The following EPHA5 variants were observed in gnomAD, a reference collection of about 807,000 sequenced individuals.
EPHA5 encodes EPH receptor A5.
A neutral mutation model predicts 105.0 loss-of-function variants in EPHA5; 60 were observed. That is an observed-to-expected ratio of 0.57 (90% CI 0.46 to 0.71). The LOEUF (loss-of-function observed/expected upper bound fraction) is 0.71, where lower values mean the gene tolerates loss of function less well. Among genes scored for constraint, EPHA5 ranks in the 30% least tolerant of loss-of-function variants. The pLI is 0.00. For synonymous variants in EPHA5, 513 were observed against 449.1 expected (o/e 1.14, Z -1.80); for missense variants, 1,218 against 1,274.7 (o/e 0.96, Z 0.68).
intron 5 of EPHA5, among the ~76,000 whole-genome samples, chr4:65,484,583 A>G (rs948273158): frequency 1.3e-5 from 2 of 152,164 alleles, no homozygotes; most frequent in Non-Finnish European, 2.9e-5. Flanking sequence ...CCTACATTCA[A>G]AACAATTAAA....
chr4:65,492,534 T>C (rs1731508475), intron 4 of EPHA5, among the ~76,000 whole-genome samples: 1 of 100,878 alleles, frequency 9.9e-6, no homozygotes, highest in Admixed American at 1.1e-4. Context: ...ACTTGACATC[T>C]TTGCAAAAAA....
intron 5 of EPHA5, among the ~76,000 whole-genome samples, chr4:65,450,937 CATT>C (rs1727005234): frequency 6.6e-6 from 1 of 152,074 alleles, no homozygotes; most frequent in African/African-American, 2.4e-5. Flanking sequence ...TTAAGTAAAA[CATT>C]ATACAGTCTC....
intron 15 of EPHA5, among the ~76,000 whole-genome samples, chr4:65,333,473 A>G (rs1281198143): frequency 6.6e-6 from 1 of 151,270 alleles, no homozygotes; most frequent in Non-Finnish European, 1.5e-5. Flanking sequence ...CTTACTCTTG[A>G]AATCTTACTC....
At chr4:65,529,612 A>G (rs78454276) in intron 3 of EPHA5, among the ~76,000 whole-genome samples, 1,822 of 152,096 alleles carry the variant, frequency 0.012, 9 homozygotes, top group Non-Finnish European at 0.019. Flanking sequence ...CATTGTGCAT[A>G]TGTTAGATAC....
At chr4:65,423,156 G>C (rs1724095460) in intron 5 of EPHA5, among the ~76,000 whole-genome samples, 1 of 151,874 alleles carries the variant, frequency 6.6e-6, no homozygotes, top group African/African-American at 2.4e-5. Context: ...CTCTCAACTG[G>C]GATTAATTTA....
intron 3 of EPHA5, among the ~76,000 whole-genome samples, chr4:65,506,034 T>G (rs1036564081): frequency 7.2e-5 from 11 of 152,132 alleles, no homozygotes; most frequent in African/African-American, 2.7e-4. Flanking sequence ...CAGTGTGTGA[T>G]GCTCCCCTTC....
intron 2 of EPHA5, among the ~76,000 whole-genome samples, chr4:65,636,843 T>C (rs1747164865): frequency 6.6e-6 from 1 of 152,060 alleles, no homozygotes. Flanking sequence ...ACCATAATGC[T>C]CCCTTAAGTT....
intron 2 of EPHA5, among the ~76,000 whole-genome samples, chr4:65,640,380 G>T (rs1186998744): frequency 2.1e-5 from 3 of 143,018 alleles, no homozygotes; most frequent in Non-Finnish European, 4.5e-5. Flanking sequence ...CCACCTCCCG[G>T]GTTCAAGCCA....
chr4:65,391,388 C>CT (rs932906763), intron 8 of EPHA5, among the ~76,000 whole-genome samples: 1 of 151,926 alleles, frequency 6.6e-6, no homozygotes, highest in African/African-American at 2.4e-5. Context: ...GAAACATTTT[C>CT]TTTTTTTCCT....
rs1002621899 is a variant in EPHA5, at chr4:65,319,839, G to T, written c.*4275C>A. The T allele has an allele frequency of 1.7e-5, 4 of 229,162 alleles. No homozygotes were observed. The highest frequency in any genetic ancestry group is 6.2e-5 in the East Asian group (1 of 16,168). The allele number at this position is 229,162 out of a possible 1,614,324, so 14.2% of individuals were successfully genotyped here. A position where few individuals can be genotyped will look rare whatever the true frequency, so the allele number is the denominator to read the frequency against. On this transcript the variant is annotated 3_prime_UTR_variant, in exon 17 of 17. Coordinates refer to ENST00000613740, the MANE Select transcript of EPHA5 (RefSeq NM_001281766.3). The stretch of plus-strand genomic sequence containing the variant: ...AATGACTGAGTCTAAGTATTCTCAG[G>T]CTCTTATAAATGTAACTACTCACTT...
chr4:65,570,893 A>G (rs1001386197), intron 3 of EPHA5, among the ~76,000 whole-genome samples: 2 of 152,046 alleles, frequency 1.3e-5, no homozygotes, highest in African/African-American at 2.4e-5. Flanking sequence ...GAAGATAGCA[A>G]TGGAGATTAA....
chr4:65,550,831 T>C (rs953557953), intron 3 of EPHA5, among the ~76,000 whole-genome samples: 1 of 151,944 alleles, frequency 6.6e-6, no homozygotes, highest in African/African-American at 2.4e-5. Context: ...GCCAGACTCC[T>C]TCTCAAACAA....
intron 3 of EPHA5, among the ~76,000 whole-genome samples, chr4:65,577,063 T>A (rs1317697275): frequency 6.6e-6 from 1 of 152,244 alleles, no homozygotes; most frequent in African/African-American, 2.4e-5. Flanking sequence ...TGTTTACATG[T>A]GCACTTTACT....
rs571276380 is a variant in EPHA5, at chr4:65,567,898, G to T, written c.910+33743C>A. Reference sequence around the variant, plus strand: ...GTCTGATCCTCCTGTTTAAAATTCTGCCTGCTGATAAACTAATCCTATTCT... The same window carrying T: ...GTCTGATCCTCCTGTTTAAAATTCTTCCTGCTGATAAACTAATCCTATTCT... On this transcript the variant is annotated intron_variant, in intron 3 of 16. Transcript: ENST00000613740. 2.0e-5 allele frequency among the ~76,000 whole-genome samples: 3 copies of T among 151,384 alleles called. No homozygotes were observed. In the South Asian group the frequency reaches 6.2e-4, roughly 31 times the overall value.
chr4:65,332,161 A>G (rs2148799902), intron 15 of EPHA5, 33 bp from the exon 16 acceptor site: 1 of 1,501,908 alleles, frequency 6.7e-7, no homozygotes, highest in Non-Finnish European at 8.9e-7. Context: ...ATTAAAAGTT[A>G]CAATTTAATT....
At chr4:65,494,346 C>T (rs1731710938) in intron 4 of EPHA5, among the ~76,000 whole-genome samples, 2 of 152,124 alleles carry the variant, frequency 1.3e-5, no homozygotes, top group South Asian at 2.1e-4. Context: ...GAGACGGATA[C>T]TAATATTTCA....
At chr4:65,432,512 T>C (rs2149066342) in intron 5 of EPHA5, among the ~76,000 whole-genome samples, 1 of 152,296 alleles carries the variant, frequency 6.6e-6, no homozygotes, top group South Asian at 2.1e-4. Context: ...TTTAGACTTC[T>C]GTGTTGAGTT....
intron 3 of EPHA5, among the ~76,000 whole-genome samples, chr4:65,543,363 C>G (rs1170485312): frequency 6.6e-6 from 1 of 152,072 alleles, no homozygotes; most frequent in Non-Finnish European, 1.5e-5. Context: ...TGATAAGTAA[C>G]TTCAGCAAAC....
chr4:65,486,142 A>T (rs1162929852), intron 5 of EPHA5, among the ~76,000 whole-genome samples: 1 of 152,068 alleles, frequency 6.6e-6, no homozygotes, highest in Non-Finnish European at 1.5e-5. Context: ...ATAATAAGAA[A>T]ACCTTTGTTC....
Sources: allele counts gnomAD v4.1 joint callset (sites outside exome capture counted in the v4.1 genomes callset), GRCh38; gene constraint gnomAD v4.1.1; transcripts MANE v1.5; gene names NCBI Gene and HGNC (gene_info 2026-07-23, HGNC 2026-07-21).